Variants in CCDC69 observed in about 807,000 individuals in gnomAD.
CCDC69 encodes coiled-coil domain-containing protein 69.
A neutral mutation model predicts 40.3 loss-of-function variants in CCDC69; 38 were observed. The observed-to-expected ratio is 0.94, with a 90% CI of 0.73 to 1.24. The LOEUF (loss-of-function observed/expected upper bound fraction) is 1.24, where lower values mean the gene tolerates loss of function less well. Among genes scored for constraint, CCDC69 ranks in the 50% most tolerant of loss-of-function variants. CCDC69 has a pLI of 0.00. For missense variants in CCDC69, 389 were observed against 357.9 expected (o/e 1.09, Z -0.70); for synonymous variants, 141 against 138.9 (o/e 1.02, Z -0.11).
rs201117761 is a variant in CCDC69, at chr5:151,184,444, A to G, written c.616-3T>C. 6.9e-6 allele frequency: 11 copies of G among 1,599,050 alleles called. No individual in the cohort carries two copies. In the Admixed American group the frequency reaches 1.3e-4, roughly 19 times the overall value. ...TCCAATATCAGATTTTTCTCTTTCT[A>G]TAACAATGAGAATGAGCTCAGAAAG... On this transcript the variant is annotated splice_region_variant and splice_polypyrimidine_tract_variant and intron_variant, in intron 7 of 8. Transcript: ENST00000355417.
chr5:151,222,859 G>T (rs1753154776), intron 1 of CCDC69, among the ~76,000 whole-genome samples: 1 of 152,184 alleles, frequency 6.6e-6, no homozygotes, highest in South Asian at 2.1e-4. Context: ...GAAGGGAGTA[G>T]AATCCTCCAG....
intron 1 of CCDC69, among the ~76,000 whole-genome samples, chr5:151,211,340 G>C (rs947514777): frequency 7.2e-5 from 11 of 152,168 alleles, no homozygotes; most frequent in African/African-American, 2.7e-4. Flanking sequence ...GCTCCTGAAG[G>C]ACAGGATTTT....
chr5:151,200,002 T>C (rs561900154), intron 3 of CCDC69, among the ~76,000 whole-genome samples: 3 of 152,294 alleles, frequency 2.0e-5, no homozygotes, highest in Admixed American at 6.5e-5. Flanking sequence ...CCTGTACCCC[T>C]GGCAGTGCTG....
At chr5:151,218,801 C>G (rs964886630) in intron 1 of CCDC69, among the ~76,000 whole-genome samples, 2 of 152,266 alleles carry the variant, frequency 1.3e-5, no homozygotes, top group African/African-American at 4.8e-5. Context: ...AAATGGGAGC[C>G]CTTAGGTATC....
At chr5:151,198,712 G>GT (rs199642550) in intron 4 of CCDC69, 7,411 of 344,516 alleles carry the variant, frequency 0.022, 158 homozygotes, top group Non-Finnish European at 0.026. Context: ...ATTTGTCTGG[G>GT]TTTTCCAAAT....
At position 151,181,606 on chromosome 5, in the gene CCDC69, G is replaced by A. The variant is rs995745838; in HGVS notation, c.*1831C>T. ...AGGGACAGAAGCTTTGTTCAAAGAG[G>A]TTTGGGAGAGGCTGGATACTTAGCT... On this transcript the variant is annotated 3_prime_UTR_variant, in exon 9 of 9. Coordinates refer to ENST00000355417, the MANE Select transcript of CCDC69 (RefSeq NM_015621.3). The A allele has an allele frequency of 2.6e-5, 4 of 152,272 alleles. No homozygotes were observed. The highest frequency in any genetic ancestry group is 5.9e-5 in the Non-Finnish European group (4 of 68,078). The allele number at this position is 152,272 out of a possible 1,614,324, so 9.4% of individuals were successfully genotyped here. A position where few individuals can be genotyped will look rare whatever the true frequency, so the allele number is the denominator to read the frequency against.
intron 4 of CCDC69, among the ~76,000 whole-genome samples, chr5:151,191,144 A>G (rs775268817): frequency 1.3e-5 from 2 of 152,112 alleles, no homozygotes; most frequent in South Asian, 4.1e-4. Flanking sequence ...TTTACAAGAA[A>G]CCCACTGTAA....
chr5:151,206,297 A>T (rs1298216724), intron 1 of CCDC69, among the ~76,000 whole-genome samples: 1 of 152,192 alleles, frequency 6.6e-6, no homozygotes, highest in Non-Finnish European at 1.5e-5. Context: ...ACCATCCAGG[A>T]ACCTCCATGT....
intron 1 of CCDC69, among the ~76,000 whole-genome samples, chr5:151,215,155 G>A (rs886369962): frequency 5.3e-5 from 8 of 152,174 alleles, no homozygotes; most frequent in Non-Finnish European, 1.2e-4. Context: ...GAGACAGGCT[G>A]AGGGCCCAGA....
At chr5:151,186,205 G>T in intron 5 of CCDC69, 81 bp from the exon 6 acceptor site, 2 of 967,970 alleles carry the variant, frequency 2.1e-6, no homozygotes, top group Non-Finnish European at 3.4e-6. Context: ...CCCAGAGGGA[G>T]AACGGTTTTG....
At chr5:151,195,760 C>T (rs1394054488) in intron 4 of CCDC69, among the ~76,000 whole-genome samples, 1 of 149,232 alleles carries the variant, frequency 6.7e-6, no homozygotes, top group Non-Finnish European at 1.5e-5. Flanking sequence ...CACACCCACA[C>T]ACACACCCAC....
intron 1 of CCDC69, chr5:151,212,359 A>C (rs781047831): frequency 1.2e-4 from 20 of 164,914 alleles, no homozygotes; most frequent in Non-Finnish European, 2.2e-4. Flanking sequence ...CCCTTCTCCT[A>C]AGAAGGCTGG....
At chr5:151,219,160 G>A (rs1367652732) in intron 1 of CCDC69, among the ~76,000 whole-genome samples, 1 of 152,158 alleles carries the variant, frequency 6.6e-6, no homozygotes, top group East Asian at 1.9e-4. Context: ...TGCTGCAGAG[G>A]CAGCTTTCCT....
intron 4 of CCDC69, among the ~76,000 whole-genome samples, chr5:151,192,087 G>GAAAAAAAAAAAAAAAAAGAAAGAAAA (rs1752620504): frequency 2.6e-5 from 1 of 38,802 alleles, no homozygotes; most frequent in Non-Finnish European, 4.2e-5. Context: ...CCTGTCTCAG[G>GAAAAAAAAAAAAAAAAAGAAAGAAAA]AAAAAAAAAA....
chr5:151,218,885 A>G (rs773573990), intron 1 of CCDC69, among the ~76,000 whole-genome samples: 19 of 152,236 alleles, frequency 1.2e-4, no homozygotes, highest in Non-Finnish European at 2.5e-4. Flanking sequence ...AATTAAAAAC[A>G]TGTACATGTG....
chr5:151,214,330 T>C (rs1305134115), intron 1 of CCDC69, among the ~76,000 whole-genome samples: 1 of 148,296 alleles, frequency 6.7e-6, no homozygotes, highest in Non-Finnish European at 1.5e-5. Flanking sequence ...AGGCGGGGAG[T>C]GTGGCCCAAG....
rs1766686732 is a variant in CCDC69, at chr5:151,184,323, AG to A, written c.713+20del. 6.3e-7 allele frequency: 1 copy of A among 1,591,972 alleles called. No homozygotes were observed. Among genetic ancestry groups the A allele is most frequent in the African/African-American group, 1.3e-5 (1 of 74,434 alleles). On this transcript the variant is annotated intron_variant, in intron 8 of 8. Coordinates refer to ENST00000355417, the MANE Select transcript of CCDC69 (RefSeq NM_015621.3). Reference sequence around the variant, plus strand: ...GCAAAAAGGGTGGGGATGGGAGTAAAGGAGGCAGGAAGACAGCTACCTTGAC... The same window carrying A: ...GCAAAAAGGGTGGGGATGGGAGTAAAGAGGCAGGAAGACAGCTACCTTGAC...
At chr5:151,202,546 CT>C (rs1752790420) in intron 2 of CCDC69, among the ~76,000 whole-genome samples, 1 of 152,170 alleles carries the variant, frequency 6.6e-6, no homozygotes, top group African/African-American at 2.4e-5. Flanking sequence ...CAGGATAGGG[CT>C]CTGCAGTTGG....
intron 8 of CCDC69, among the ~76,000 whole-genome samples, chr5:151,184,103 A>T (rs1194237545): frequency 6.6e-6 from 1 of 152,168 alleles, no homozygotes; most frequent in Non-Finnish European, 1.5e-5. Context: ...GGGCTTTCCC[A>T]CAGAGTACAC....
Sources: gnomAD v4.1 joint callset for allele counts (sites outside exome capture counted in the v4.1 genomes callset) on GRCh38, gnomAD v4.1.1 for gene constraint, MANE v1.5 for transcripts, NCBI Gene and HGNC (gene_info 2026-07-23, HGNC 2026-07-21) for gene names.